Variants in VWA3A observed in about 807,000 individuals in gnomAD.
VWA3A encodes von Willebrand factor A domain containing 3A.
A neutral mutation model predicts 160.4 loss-of-function variants in VWA3A; 134 were observed. The ratio of observed to expected loss-of-function variants is 0.84; its 90% CI spans 0.73 to 0.96. The LOEUF (loss-of-function observed/expected upper bound fraction) is 0.96. Ranked by LOEUF, VWA3A falls within the 40% of genes least tolerant of loss-of-function variation. The pLI, the probability that VWA3A is intolerant of heterozygous loss-of-function variation, is 0.00. For missense variants in VWA3A, 1,310 were observed against 1,447.9 expected (o/e 0.90, Z 1.55); for synonymous variants, 476 against 543.4 (o/e 0.88, Z 1.72).
Position 22,129,314 on chromosome 16 carries a change from G to A in VWA3A, c.1653-1891G>A, listed in dbSNP as rs560684776. 2.6e-5 allele frequency among the ~76,000 whole-genome samples: 4 copies of A among 151,200 alleles called. No individual in the cohort carries two copies. In the East Asian group the frequency reaches 5.9e-4, roughly 22 times the overall value. The stretch of plus-strand genomic sequence containing the variant: ...TGAGGTAGGAGAATGGCATGAACCT[G>A]GGAGGTGGAGCTTGCAGTGAGCCGA... On this transcript the variant is annotated intron_variant, in intron 17 of 33. Coordinates refer to ENST00000389398, the MANE Select transcript of VWA3A (RefSeq NM_173615.5).
chr16:22,153,885 G>A (rs2046390773), intron 31 of VWA3A, among the ~76,000 whole-genome samples: 2 of 151,934 alleles, frequency 1.3e-5, no homozygotes, highest in Admixed American at 1.3e-4. Flanking sequence ...GATCACAGGT[G>A]TGCCACCACG....
intron 21 of VWA3A, among the ~76,000 whole-genome samples, chr16:22,137,703 T>C (rs2141982088): frequency 6.6e-6 from 1 of 152,286 alleles, no homozygotes; most frequent in Non-Finnish European, 1.5e-5. Flanking sequence ...ACTGACTAGT[T>C]GAGTGCAGGC....
intron 8 of VWA3A, among the ~76,000 whole-genome samples, chr16:22,112,871 A>T (rs1445280498): frequency 6.6e-6 from 1 of 152,234 alleles, no homozygotes; most frequent in Non-Finnish European, 1.5e-5. Context: ...CCCAACAGTC[A>T]CTACTGGGTG....
At chr16:22,134,312 C>T (rs868090140) in intron 20 of VWA3A, 56 bp from the exon 21 acceptor site, 10 of 1,493,268 alleles carry the variant, frequency 6.7e-6, no homozygotes, top group Middle Eastern at 3.4e-4. Context: ...ATGATGGGGA[C>T]GCTTGCCAGG....
chr16:22,093,912 G>A (rs972691502), intron 1 of VWA3A, among the ~76,000 whole-genome samples: 53 of 150,794 alleles, frequency 3.5e-4, no homozygotes, highest in Admixed American at 3.0e-3. Context: ...CTACAGGTGC[G>A]CACTGCCATG....
At position 22,109,473 on chromosome 16, in the gene VWA3A, TG is replaced by T; in HGVS notation, c.484-7del. 8 of 1,581,958 alleles carry T rather than the reference TG, an allele frequency of 5.1e-6. No individual in the cohort carries two copies. Among genetic ancestry groups the T allele is most frequent in the Non-Finnish European group, 6.9e-6 (8 of 1,163,992 alleles). On this transcript the variant is annotated splice_region_variant and splice_polypyrimidine_tract_variant and intron_variant, in intron 6 of 33. Transcript: ENST00000389398. Reference sequence around the variant, plus strand: ...ACTGGCTGTTTCCAAATGCCCTCTTTGGTTTTAGGCATTTGGCCTCATCAAA... The same window carrying T: ...ACTGGCTGTTTCCAAATGCCCTCTTTGTTTTAGGCATTTGGCCTCATCAAA...
intron 7 of VWA3A, among the ~76,000 whole-genome samples, chr16:22,110,231 G>A (rs1775468712): frequency 6.6e-6 from 1 of 152,232 alleles, no homozygotes; most frequent in Non-Finnish European, 1.5e-5. Context: ...GAAGTGCTTA[G>A]TGAGAAGTCT....
chr16:22,133,067 T>G lies in VWA3A; in HGVS notation c.2040T>G (p.Gly680=). ...ACAAGGAGGTCACCCGGGCTGCAGG[T>G]GGCCGCTTCCACTGGTTTGGAGACA... ...AAYKEVTRAA[G]GRFHWFGDTG... Residue 680 remains glycine, a synonymous_variant, in exon 20 of 34, where the codon GGT becomes GGG. Transcript: ENST00000389398. 6.2e-7 allele frequency: 1 copy of G among 1,613,506 alleles called. No homozygotes were observed. The highest frequency in any genetic ancestry group is 8.5e-7 in the Non-Finnish European group (1 of 1,179,728).
Position 22,121,606 on chromosome 16 carries a change from ACC to A in VWA3A, c.1346_1347del (p.Thr449AsnfsTer3), listed in dbSNP as rs1202826530. On this transcript the variant is annotated frameshift_variant, in exon 14 of 34. Transcript: ENST00000389398. LOFTEE classifies it high-confidence loss of function. ...TATTCTCCAGAAAACAGTATCATCG[ACC>A]ATCCATGAGGTAATTCAGATTCATA... Reference protein sequence around the residue: ...VPILQKTVSSTIHEKAMIQFE... With the variant: ...VPILQKTVSSXIHEKAMIQFE... 6.2e-7 allele frequency: 1 copy of A among 1,611,534 alleles called. No homozygotes were observed. Among genetic ancestry groups the A allele is most frequent in the Non-Finnish European group, 8.5e-7 (1 of 1,177,948 alleles).
chr16:22,149,875 C>T lies in VWA3A; in HGVS notation c.3073C>T (p.Gln1025Ter), dbSNP rs749751917. ...TTDAACHEAM[Q>*]WVTHLQAQGS... ...AGATGCAGCGTGTCATGAGGCTATG[C>T]AATGGGTGACCCACCTGCAAGCTCA... Residue 1025 changes from glutamine to a stop codon, truncating the protein, a stop_gained, in exon 29 of 34, where the codon CAA becomes TAA. Transcript: ENST00000389398. LOFTEE classifies it high-confidence loss of function. 1.9e-6 allele frequency: 3 copies of T among 1,612,590 alleles called. No individual in the cohort carries two copies. The South Asian group carries it at 3.3e-5, about 18-fold the overall frequency.
At chr16:22,121,883 C>T (rs2045741568) in intron 14 of VWA3A, among the ~76,000 whole-genome samples, 1 of 152,214 alleles carries the variant, frequency 6.6e-6, no homozygotes. Flanking sequence ...ACAGGACAGA[C>T]TTGCTTTCTT....
At chr16:22,116,138 AAGG>A (rs1232784687) in intron 9 of VWA3A, among the ~76,000 whole-genome samples, 3 of 151,090 alleles carry the variant, frequency 2.0e-5, no homozygotes, top group Non-Finnish European at 4.4e-5. Flanking sequence ...GAAGGAAAGA[AAGG>A]AGAGAGAAAT....
intron 2 of VWA3A, 57 bp from the exon 3 acceptor site, chr16:22,097,515 G>C: frequency 6.5e-7 from 1 of 1,540,936 alleles, no homozygotes; most frequent in Non-Finnish European, 8.7e-7. Flanking sequence ...AGGCACTGGG[G>C]GTATCAAACC....
rs562911051 is a variant in VWA3A, at chr16:22,142,857, G to T, written c.2592+92G>T. ...CTTCTAGGATGGGGGGGCATAATCA[G>T]AAATGAGAACAAGCCAGGCACAGTG... On this transcript the variant is annotated intron_variant, in intron 25 of 33. Transcript: ENST00000389398. 9 of 1,005,712 alleles carry T rather than the reference G, an allele frequency of 8.9e-6. 1 individual carries two copies. Among genetic ancestry groups the T allele is most frequent in the South Asian group, 5.6e-5 (4 of 71,922 alleles). The allele number at this position is 1,005,712 out of a possible 1,614,324, so 62.3% of individuals were successfully genotyped here.
At chr16:22,104,220 G>T (rs2045448960) in intron 6 of VWA3A, among the ~76,000 whole-genome samples, 1 of 152,188 alleles carries the variant, frequency 6.6e-6, no homozygotes, top group African/African-American at 2.4e-5. Flanking sequence ...GGGCATGGTG[G>T]CTCAGGCCTG....
intron 10 of VWA3A, 59 bp downstream of exon 10, chr16:22,116,926 G>A (rs2045658834): frequency 1.3e-6 from 2 of 1,525,290 alleles, no homozygotes; most frequent in African/African-American, 2.7e-5. Flanking sequence ...AGCTGGGCTG[G>A]CCTTTGAGGC....
intron 16 of VWA3A, among the ~76,000 whole-genome samples, chr16:22,124,096 G>C (rs905655223): frequency 6.7e-6 from 1 of 148,392 alleles, no homozygotes; most frequent in African/African-American, 2.5e-5. Context: ...CAGGCGGGTC[G>C]CTTGAGTCCA....
chr16:22,128,001 T>A (rs2045881516), intron 17 of VWA3A, among the ~76,000 whole-genome samples: 2 of 152,078 alleles, frequency 1.3e-5, no homozygotes, highest in Non-Finnish European at 2.9e-5. Context: ...CACCTGGGAA[T>A]GATGGGGTCC....
intron 6 of VWA3A, 70 bp downstream of exon 6, chr16:22,103,599 G>T: frequency 6.6e-7 from 1 of 1,515,114 alleles, no homozygotes; most frequent in African/African-American, 1.4e-5. Flanking sequence ...AACCCTTTCA[G>T]TTGCAAATGT....
Sources: allele counts gnomAD v4.1 joint callset (sites outside exome capture counted in the v4.1 genomes callset), GRCh38; gene constraint gnomAD v4.1.1; transcripts MANE v1.5; gene names NCBI Gene and HGNC (gene_info 2026-07-23, HGNC 2026-07-21).